Variants in PAK5 observed in about 807,000 individuals in gnomAD.
The protein encoded by PAK5 is serine/threonine-protein kinase PAK 5.
PAK5 carries 16 observed loss-of-function variants against 65.9 expected under a neutral mutation model. The observed-to-expected ratio is 0.24, with a 90% confidence interval of 0.16 to 0.37. The LOEUF (loss-of-function observed/expected upper bound fraction) is 0.37. PAK5 is among the 10% of genes least tolerant of loss of function. The pLI, the probability that PAK5 is intolerant of heterozygous loss-of-function variation, is 1.00. For synonymous variants in PAK5, 371 were observed against 354.9 expected, an observed-to-expected ratio of 1.05 and a Z score of -0.51; for missense variants, 785 against 903.9, an observed-to-expected ratio of 0.87 and a Z score of 1.69.
At chr20:9,766,560 G>T (rs1350527946) in intron 1 of PAK5, among the ~76,000 whole-genome samples, 1 of 138,860 alleles carries the variant, frequency 7.2e-6, no homozygotes, top group African/African-American at 2.8e-5. Context: ...TTTTCAAGCA[G>T]AATGGACAAT....
At chr20:9,830,140 C>A (rs1164049909) in intron 1 of PAK5, among the ~76,000 whole-genome samples, 1 of 152,180 alleles carries the variant, frequency 6.6e-6, no homozygotes, top group Admixed American at 6.5e-5. Flanking sequence ...AGTTGGAGTG[C>A]AGAGTAGCAG....
Position 9,580,176 on chromosome 20 carries a change from C to G in PAK5, c.959G>C (p.Arg320Pro), listed in dbSNP as rs778705496. ...AATGCACATTGTGGGCTCGGACAAG[C>G]GAGGGTAGGTGTAGGAGTTGTAGGA... ...GHSYNSYTYP[R>P]LSEPTMCIPK... Residue 320 changes from arginine to proline, a missense_variant, in exon 4 of 10, where the codon CGC becomes CCC. Physicochemically the swap from Arg to Pro is moderately radical, Grantham distance 103. This residue lies in a region of PAK5 where 422 missense variants were observed against 413.3 expected (regional missense o/e 1.02). Coordinates refer to ENST00000353224, the MANE Select transcript of PAK5 (RefSeq NM_177990.4). The G allele has an allele frequency of 6.2e-7, 1 of 1,613,376 alleles. No homozygotes were observed. The highest frequency in any genetic ancestry group is 1.3e-5 in the African/African-American group (1 of 74,998).
At chr20:9,552,180 TAAAAAG>T (rs1195712817) in intron 7 of PAK5, among the ~76,000 whole-genome samples, 1 of 152,180 alleles carries the variant, frequency 6.6e-6, no homozygotes, top group East Asian at 1.9e-4. Context: ...CAATTTATAG[TAAAAAG>T]AAAAAGAGAT....
At chr20:9,734,122 ACT>A (rs1268764953) in intron 1 of PAK5, among the ~76,000 whole-genome samples, 1 of 152,090 alleles carries the variant, frequency 6.6e-6, no homozygotes, top group Non-Finnish European at 1.5e-5. Flanking sequence ...TATCCTGTTA[ACT>A]CTACTGTGGG....
intron 7 of PAK5, among the ~76,000 whole-genome samples, chr20:9,552,729 T>TCC (rs2045448320): frequency 6.6e-6 from 1 of 151,576 alleles, no homozygotes; most frequent in African/African-American, 2.4e-5. Flanking sequence ...TTTTAGTTTT[T>TCC]TTTTTTTTTG....
At chr20:9,707,141 T>TAA (rs1376297655) in intron 2 of PAK5, among the ~76,000 whole-genome samples, 4 of 152,082 alleles carry the variant, frequency 2.6e-5, no homozygotes, top group Non-Finnish European at 4.4e-5. Flanking sequence ...TTCTTTTTTC[T>TAA]TTTCTTTTGA....
At chr20:9,573,025 A>C (rs2045818459) in intron 4 of PAK5, among the ~76,000 whole-genome samples, 1 of 152,194 alleles carries the variant, frequency 6.6e-6, no homozygotes, top group Admixed American at 6.5e-5. Flanking sequence ...ATACATTTTA[A>C]GAAGGAATTC....
chr20:9,730,885 T>C lies in PAK5; in HGVS notation c.-161-19450A>G, dbSNP rs368615795. Among the ~76,000 whole-genome samples the C allele has an allele frequency of 3.8e-4, 58 of 152,344 alleles. 3 individuals carry two copies. The South Asian group carries it at 5.6e-3, about 15-fold the overall frequency. On this transcript the variant is annotated intron_variant, in intron 1 of 9. Transcript: ENST00000353224. Reference sequence around the variant, plus strand: ...GACTGGGATTCACATTTGCCAATGGTTAACAGGAAACGTTTCCCAAAAGCA... The same window carrying C: ...GACTGGGATTCACATTTGCCAATGGCTAACAGGAAACGTTTCCCAAAAGCA...
intron 2 of PAK5, among the ~76,000 whole-genome samples, chr20:9,679,242 A>C (rs2047617279): frequency 6.6e-6 from 1 of 152,194 alleles, no homozygotes; most frequent in South Asian, 2.1e-4. Context: ...TACATACACC[A>C]TACAAAATAT....
intron 1 of PAK5, among the ~76,000 whole-genome samples, chr20:9,782,929 T>C (rs899371314): frequency 6.7e-6 from 1 of 149,690 alleles, no homozygotes; most frequent in African/African-American, 2.5e-5. Context: ...TCTTTCTTTT[T>C]TTTTTTTCTT....
intron 2 of PAK5, among the ~76,000 whole-genome samples, chr20:9,667,029 G>A (rs542200679): frequency 1.1e-3 from 168 of 152,272 alleles, no homozygotes; most frequent in Middle Eastern, 3.4e-3. Flanking sequence ...TGTAATCCCA[G>A]CACTTGGGAA....
chr20:9,764,974 C>T (rs1053390660), intron 1 of PAK5, among the ~76,000 whole-genome samples: 2 of 152,116 alleles, frequency 1.3e-5, no homozygotes, highest in African/African-American at 4.8e-5. Flanking sequence ...CAGTACCTAG[C>T]TTTAGGCAAT....
At chr20:9,831,664 C>G (rs1419606958) in intron 1 of PAK5, among the ~76,000 whole-genome samples, 2 of 152,144 alleles carry the variant, frequency 1.3e-5, no homozygotes, top group African/African-American at 4.8e-5. Flanking sequence ...TGCGCCACCA[C>G]GCTCAGCTAA....
In PAK5 at chr20:9,566,400, T is replaced by G. The variant is rs757366711; in HGVS notation, c.991-16A>C. ...CGTAATCCACCTGGGAAGACAGACATGGATAGAGAATATTCACATGCTGGA... is the reference window on the plus strand; with the variant it reads ...CGTAATCCACCTGGGAAGACAGACAGGGATAGAGAATATTCACATGCTGGA... On this transcript the variant is annotated splice_polypyrimidine_tract_variant and intron_variant, in intron 4 of 9. Transcript: ENST00000353224. 6.2e-7 allele frequency: 1 copy of G among 1,607,878 alleles called. No homozygotes were observed. Among genetic ancestry groups the G allele is most frequent in the Non-Finnish European group, 8.5e-7 (1 of 1,177,306 alleles).
At position 9,800,486 on chromosome 20, in the gene PAK5, AG is replaced by A. The variant is rs2049156991; in HGVS notation, c.-162+38275del. ...GTGGGATGACAAGAAGAATGTACTT[AG>A]AGACTTTTTAGTTCTCAATATTCTT... On this transcript the variant is annotated intron_variant, in intron 1 of 9. Transcript: ENST00000353224. Among the ~76,000 whole-genome samples, 7 of 152,274 alleles carry A rather than the reference AG, an allele frequency of 4.6e-5. No homozygotes were observed. The South Asian group carries it at 1.5e-3, about 32-fold the overall frequency.
intron 3 of PAK5, among the ~76,000 whole-genome samples, chr20:9,610,064 C>G (rs2046529893): frequency 6.6e-6 from 1 of 152,100 alleles, no homozygotes; most frequent in Admixed American, 6.5e-5. Flanking sequence ...AAAAACGACT[C>G]AAGCCTGCCC....
At chr20:9,628,164 A>G (rs2046873142) in intron 3 of PAK5, among the ~76,000 whole-genome samples, 1 of 152,192 alleles carries the variant, frequency 6.6e-6, no homozygotes, top group Admixed American at 6.5e-5. Context: ...TTGACTGCTA[A>G]TGTTTTAATG....
intron 9 of PAK5, among the ~76,000 whole-genome samples, chr20:9,541,015 C>T (rs1009260546): frequency 3.9e-5 from 6 of 152,148 alleles, no homozygotes; most frequent in Non-Finnish European, 8.8e-5. Context: ...GGATTACAGG[C>T]GTGAGCCACC....
chr20:9,587,037 G>A (rs1298330334), intron 3 of PAK5, among the ~76,000 whole-genome samples: 1 of 152,108 alleles, frequency 6.6e-6, no homozygotes, highest in African/African-American at 2.4e-5. Flanking sequence ...CAGAGTTAAT[G>A]TGATTATTTA....
Sources: allele counts gnomAD v4.1 joint callset (sites outside exome capture counted in the v4.1 genomes callset), GRCh38; gene constraint gnomAD v4.1.1; regional missense constraint gnomAD v4.1.1; transcripts MANE v1.5; gene names NCBI Gene and HGNC (gene_info 2026-07-23, HGNC 2026-07-21).